Variants in SNX13 observed in about 807,000 individuals in gnomAD.
SNX13 encodes the protein sorting nexin-13.
In SNX13, 45 loss-of-function variants were observed where a neutral mutation model predicts 133.6. That is an observed-to-expected ratio of 0.34 (90% CI 0.27 to 0.43). SNX13 has a LOEUF of 0.43. Among genes scored for constraint, SNX13 ranks in the 20% least tolerant of loss-of-function variants. The probability of loss-of-function intolerance (pLI) is 1.00; values close to 1 mark genes in which losing one functional copy is unlikely to be tolerated. For synonymous variants in SNX13, 414 were observed against 373.9 expected (o/e 1.11, Z -1.24); for missense variants, 1,032 against 1,145.1 (o/e 0.90, Z 1.43).
chr7:17,825,760 A>T (rs897302017), intron 17 of SNX13, among the ~76,000 whole-genome samples: 1 of 152,176 alleles, frequency 6.6e-6, no homozygotes, highest in Admixed American at 6.6e-5. Context: ...AGAGGAAAAG[A>T]ATGGTTTTAG....
chr7:17,909,608 G>A (rs1798747405), intron 1 of SNX13, among the ~76,000 whole-genome samples: 1 of 152,150 alleles, frequency 6.6e-6, no homozygotes, highest in Non-Finnish European at 1.5e-5. Flanking sequence ...AACTAATGCA[G>A]GAACAAAAAA....
intron 12 of SNX13, among the ~76,000 whole-genome samples, chr7:17,840,704 T>C (rs1053652932): frequency 2.0e-5 from 3 of 152,024 alleles, no homozygotes; most frequent in African/African-American, 7.2e-5. Context: ...AGAAAAACAT[T>C]TCAGAGAATA....
chr7:17,812,668 T>C (rs1014428321), intron 20 of SNX13, among the ~76,000 whole-genome samples: 1 of 152,132 alleles, frequency 6.6e-6, no homozygotes, highest in South Asian at 2.1e-4. Context: ...GGATGATAAA[T>C]CATTCTACTG....
intron 9 of SNX13, among the ~76,000 whole-genome samples, chr7:17,851,297 T>C (rs898706030): frequency 2.0e-5 from 3 of 152,330 alleles, no homozygotes; most frequent in African/African-American, 7.2e-5. Flanking sequence ...TCTTCTGTTA[T>C]AGTACAAAGG....
At chr7:17,916,657 T>C (rs1388560117) in intron 1 of SNX13, among the ~76,000 whole-genome samples, 2 of 150,724 alleles carry the variant, frequency 1.3e-5, no homozygotes, top group African/African-American at 4.9e-5. Context: ...ATTGAATCAG[T>C]AACAAAAGAA....
At chr7:17,870,081 G>A (rs909777737) in intron 8 of SNX13, among the ~76,000 whole-genome samples, 3 of 152,140 alleles carry the variant, frequency 2.0e-5, no homozygotes, top group African/African-American at 7.2e-5. Context: ...GTCCTAGTGA[G>A]AGCTCTAAAT....
chr7:17,831,573 C>T, intron 15 of SNX13: 1 of 983,984 alleles, frequency 1.0e-6, no homozygotes, highest in South Asian at 4.7e-5. Flanking sequence ...AGAAAAACCA[C>T]CAGAGGATAC....
Position 17,830,007 on chromosome 7 carries a change from T to C in SNX13, c.1635+3A>G, listed in dbSNP as rs1245496249. The C allele has an allele frequency of 1.3e-6, 2 of 1,532,260 alleles. No individual in the cohort carries two copies. Among genetic ancestry groups the C allele is most frequent in the Non-Finnish European group, 1.8e-6 (2 of 1,133,600 alleles). 94.9% of individuals were successfully genotyped at this position (1,532,260 alleles called of 1,614,324 possible). On this transcript the variant is annotated splice_donor_region_variant and intron_variant, in intron 16 of 25. Transcript: ENST00000428135. ...TTAATAAAGTACCCATAATAGTACT[T>C]ACCAAATTTATGCTTCCTGTAGGAG...
intron 1 of SNX13, among the ~76,000 whole-genome samples, chr7:17,911,143 T>A (rs1406231401): frequency 6.6e-6 from 1 of 152,190 alleles, no homozygotes; most frequent in Non-Finnish European, 1.5e-5. Flanking sequence ...GGCTAGCTAC[T>A]TTTTGTTGAC....
At chr7:17,852,535 G>C (rs999339923) in intron 9 of SNX13, among the ~76,000 whole-genome samples, 3 of 152,076 alleles carry the variant, frequency 2.0e-5, no homozygotes, top group African/African-American at 7.2e-5. Flanking sequence ...TTTATTGGAG[G>C]AGTTCAAGAA....
intron 5 of SNX13, among the ~76,000 whole-genome samples, chr7:17,876,723 A>G (rs186194219): frequency 2.6e-5 from 4 of 152,304 alleles, no homozygotes; most frequent in Admixed American, 2.0e-4. Context: ...CTAGTACTCT[A>G]TCTCAAAAGC....
intron 4 of SNX13, among the ~76,000 whole-genome samples, chr7:17,891,036 G>C (rs756883364): frequency 1.8e-4 from 28 of 151,546 alleles, no homozygotes; most frequent in Non-Finnish European, 3.4e-4. Flanking sequence ...TTACAAATCA[G>C]ATAAACTAAA....
chr7:17,922,228 G>A (rs994859095), intron 1 of SNX13, among the ~76,000 whole-genome samples: 6 of 152,282 alleles, frequency 3.9e-5, no homozygotes, highest in African/African-American at 7.2e-5. Context: ...TTCTAGTTGC[G>A]GCTAGCCAGG....
In SNX13 at chr7:17,938,940, T is replaced by A. The variant is rs563359174; in HGVS notation, c.12+1344A>T. On this transcript the variant is annotated intron_variant, in intron 1 of 25. Transcript: ENST00000428135. ...TACTGCTAATCACAACACAAACTTA[T>A]GCTATAACCATAATCTCAATTAACT... Among the ~76,000 whole-genome samples, 4 of 152,330 alleles carry A rather than the reference T, an allele frequency of 2.6e-5. 1 individual carries two copies. The East Asian group carries it at 5.8e-4, about 22-fold the overall frequency.
chr7:17,805,254 T>TGCGCGCGCGCGCGCGCGCGC (rs56000068), intron 20 of SNX13, among the ~76,000 whole-genome samples: 13 of 132,438 alleles, frequency 9.8e-5, no homozygotes, highest in South Asian at 2.5e-4. Flanking sequence ...TGTGTGTGCG[T>TGCGCGCGCGCGCGCGCGCGC]GCGCGCGCGC....
At chr7:17,845,563 C>G in intron 12 of SNX13, 32 bp downstream of exon 12, 1 of 1,332,970 alleles carries the variant, frequency 7.5e-7, no homozygotes, top group South Asian at 1.4e-5. Flanking sequence ...AATTCAATGG[C>G]TGTATCATTT....
intron 8 of SNX13, among the ~76,000 whole-genome samples, chr7:17,869,382 T>C (rs1388871188): frequency 4.0e-5 from 6 of 151,896 alleles, no homozygotes; most frequent in Admixed American, 6.6e-5. Flanking sequence ...GATAAATGAG[T>C]AGAAAAAAAG....
At chr7:17,827,704 A>G (rs570877182) in intron 16 of SNX13, among the ~76,000 whole-genome samples, 5 of 152,026 alleles carry the variant, frequency 3.3e-5, no homozygotes, top group South Asian at 2.1e-4. Flanking sequence ...AGTTTTCCCA[A>G]TGGTAAAATG....
intron 17 of SNX13, 126 bp from the exon 18 acceptor site, chr7:17,821,774 T>A: frequency 1.2e-5 from 13 of 1,043,084 alleles, no homozygotes; most frequent in Non-Finnish European, 1.6e-5. Context: ...TGAAGAAGAA[T>A]CTGAAATGAC....
Sources: allele counts gnomAD v4.1 joint callset (sites outside exome capture counted in the v4.1 genomes callset), GRCh38; gene constraint gnomAD v4.1.1; transcripts MANE v1.5; gene names NCBI Gene and HGNC (gene_info 2026-07-23, HGNC 2026-07-21).